Variants in OR5K1 observed in about 807,000 individuals in gnomAD.
The protein encoded by OR5K1 is olfactory receptor 5K1.
OR5K1 carries 7 observed loss-of-function variants against 10.4 expected under a neutral mutation model. That is an observed-to-expected ratio of 0.67 (90% confidence interval 0.38 to 1.26). The LOEUF (loss-of-function observed/expected upper bound fraction) is 1.26. Among genes scored for constraint, OR5K1 ranks in the 50% most tolerant of loss-of-function variants. OR5K1 has a pLI of 0.02. For missense variants in OR5K1, 435 were observed against 366.2 expected (o/e 1.19, Z -1.53); for synonymous variants, 135 against 128.5 (o/e 1.05, Z -0.34).
chr3:98,471,039 A>G lies in OR5K1; in HGVS notation c.*536A>G, dbSNP rs1250354172. 1 of 152,100 alleles carries G rather than the reference A, an allele frequency of 6.6e-6. No homozygotes were observed. Among genetic ancestry groups the G allele is most frequent in the Admixed American group, 6.6e-5 (1 of 15,228 alleles). 9.4% of individuals were successfully genotyped at this position (152,100 alleles called of 1,614,324 possible). Reference sequence around the variant, plus strand: ...GCATTATGGGGACATTACTGTAGTTAGAAAGGAAGTATTAGGAAAACGAAG... The same window carrying G: ...GCATTATGGGGACATTACTGTAGTTGGAAAGGAAGTATTAGGAAAACGAAG... On this transcript the variant is annotated 3_prime_UTR_variant, in exon 2 of 2. Coordinates refer to ENST00000642057, the MANE Select transcript of OR5K1 (RefSeq NM_001004736.4).
At position 98,467,182 on chromosome 3, in the gene OR5K1, T is replaced by G; in HGVS notation, c.-11-2384T>G. 2.0e-5 allele frequency among the ~76,000 whole-genome samples: 2 copies of G among 98,260 alleles called. 1 individual carries two copies. The highest frequency in any genetic ancestry group is 6.1e-4 in the East Asian group (2 of 3,270). The allele number at this position is 98,260 out of a possible 152,430, so 64.5% of individuals were successfully genotyped here. Reference sequence around the variant, plus strand: ...ATCCTTTCCCCATTGCTTGTTTTTCTCAGGTTTGTCAAAGATCAGATAGTT... The same window carrying G: ...ATCCTTTCCCCATTGCTTGTTTTTCGCAGGTTTGTCAAAGATCAGATAGTT... On this transcript the variant is annotated intron_variant, in intron 1 of 1. Transcript: ENST00000642057.
intron 1 of OR5K1, among the ~76,000 whole-genome samples, chr3:98,464,587 G>A (rs1001395077): frequency 1.3e-5 from 2 of 152,128 alleles, no homozygotes; most frequent in African/African-American, 4.8e-5. Flanking sequence ...CTCCCCGATA[G>A]GTAAGAACTC....
rs1360629697 is a variant in OR5K1 at position 98,472,630 on chromosome 3, G to C, written c.*2127G>C. The C allele has an allele frequency of 2.0e-5, 3 of 151,698 alleles. No individual in the cohort carries two copies. The highest frequency in any genetic ancestry group is 4.4e-5 in the Non-Finnish European group (3 of 67,896). 9.4% of individuals were successfully genotyped at this position (151,698 alleles called of 1,614,324 possible). On this transcript the variant is annotated 3_prime_UTR_variant, in exon 2 of 2. Transcript: ENST00000642057. ...AAATGTACTTTTATGGAGTAAAATTGGACTCAAAAATGAGACTCTGTCTTA... is the reference window on the plus strand; with the variant it reads ...AAATGTACTTTTATGGAGTAAAATTCGACTCAAAAATGAGACTCTGTCTTA...
At chr3:98,465,860 T>G (rs1341315819) in intron 1 of OR5K1, among the ~76,000 whole-genome samples, 1 of 151,060 alleles carries the variant, frequency 6.6e-6, no homozygotes, top group African/African-American at 2.4e-5. Flanking sequence ...TTTTTATTCA[T>G]GATTTTTGAC....
rs908765092 is a variant in OR5K1 at position 98,472,339 on chromosome 3, C to T, written c.*1836C>T. The stretch of plus-strand genomic sequence containing the variant: ...TTGAAATGCATCATTTTTGCACTTC[C>T]GATGCTACACAATACCAGTACAATG... On this transcript the variant is annotated 3_prime_UTR_variant, in exon 2 of 2. Transcript: ENST00000642057. The T allele has an allele frequency of 6.6e-6, 1 of 151,784 alleles. No homozygotes were observed. The highest frequency in any genetic ancestry group is 6.6e-5 in the Admixed American group (1 of 15,192). The allele number at this position is 151,784 out of a possible 1,614,324, so 9.4% of individuals were successfully genotyped here.
rs1705446852 is a variant in OR5K1 at position 98,471,473 on chromosome 3, A to G, written c.*970A>G. ...TGGGTAGAGTAATGATCTTAATGTGATATCATTTTAAAAATTACTTTCCAA... is the reference window on the plus strand; with the variant it reads ...TGGGTAGAGTAATGATCTTAATGTGGTATCATTTTAAAAATTACTTTCCAA... On this transcript the variant is annotated 3_prime_UTR_variant, in exon 2 of 2. Coordinates refer to ENST00000642057, the MANE Select transcript of OR5K1 (RefSeq NM_001004736.4). 1.3e-5 allele frequency: 2 copies of G among 151,972 alleles called. No individual in the cohort carries two copies. Among genetic ancestry groups the G allele is most frequent in the African/African-American group, 4.8e-5 (2 of 41,370 alleles). 9.4% of individuals were successfully genotyped at this position (151,972 alleles called of 1,614,324 possible). A position where few individuals can be genotyped will look rare whatever the true frequency, so the allele number is the denominator to read the frequency against.
intron 1 of OR5K1, among the ~76,000 whole-genome samples, chr3:98,468,584 T>C (rs1174708450): frequency 1.3e-5 from 2 of 152,110 alleles, no homozygotes; most frequent in South Asian, 4.1e-4. Context: ...TCTTTGTCCT[T>C]TTTTGACTGG....
At position 98,468,803 on chromosome 3, in the gene OR5K1, AC is replaced by A. The variant is rs1705404676; in HGVS notation, c.-11-762del. Among the ~76,000 whole-genome samples the A allele has an allele frequency of 2.0e-5, 3 of 152,116 alleles. No individual in the cohort carries two copies. The East Asian group carries it at 5.8e-4, about 29-fold the overall frequency. On this transcript the variant is annotated intron_variant, in intron 1 of 1. Transcript: ENST00000642057. ...TTGGCATATAAAAATACTCTTTTAAACAACATTGTTAATCAGTACATATATA... is the reference window on the plus strand; with the variant it reads ...TTGGCATATAAAAATACTCTTTTAAAAACATTGTTAATCAGTACATATATA...
intron 1 of OR5K1, among the ~76,000 whole-genome samples, chr3:98,469,199 G>A (rs1389165201): frequency 2.6e-5 from 4 of 152,040 alleles, no homozygotes; most frequent in African/African-American, 4.8e-5. Flanking sequence ...ACCAGGTATT[G>A]CATGTTCTCA....
At chr3:98,464,275 AAT>A (rs996075630) in intron 1 of OR5K1, among the ~76,000 whole-genome samples, 1 of 152,108 alleles carries the variant, frequency 6.6e-6, no homozygotes, top group Non-Finnish European at 1.5e-5. Flanking sequence ...ACTTTAAAAA[AAT>A]ATATATATAC....
At chr3:98,464,098 T>C (rs1204573334) in intron 1 of OR5K1, among the ~76,000 whole-genome samples, 2 of 151,690 alleles carry the variant, frequency 1.3e-5, no homozygotes, top group African/African-American at 2.4e-5. Flanking sequence ...CTGCTAAAAA[T>C]ACAAAAAATA....
In OR5K1 at chr3:98,469,699, G is replaced by A. The variant is rs1559640565; in HGVS notation, c.123G>A (p.Gly41=). 1 of 1,613,732 alleles carries A rather than the reference G, an allele frequency of 6.2e-7. No individual in the cohort carries two copies. The highest frequency in any genetic ancestry group is 8.5e-7 in the Non-Finnish European group (1 of 1,179,784). Residue 41 remains glycine (G), a synonymous_variant, in exon 2 of 2, where the codon GGG becomes GGA. Coordinates refer to ENST00000642057, the MANE Select transcript of OR5K1 (RefSeq NM_001004736.4). The stretch of plus-strand genomic sequence containing the variant: ...CCATCTATCTGATCACCGTGGTGGG[G>A]AATATTAGTTTGGTGGCACTGATAT... ...FFAIYLITVV[G]NISLVALIFT...
chr3:98,469,389 C>A, intron 1 of OR5K1, 177 bp from the exon 2 acceptor site: 1 of 601,352 alleles, frequency 1.7e-6, no homozygotes, highest in Non-Finnish European at 2.9e-6. Flanking sequence ...TCATCACTAG[C>A]CAAAGAGGTA....
At chr3:98,465,604 T>A (rs77786688) in intron 1 of OR5K1, among the ~76,000 whole-genome samples, 1 of 152,136 alleles carries the variant, frequency 6.6e-6, no homozygotes, top group Non-Finnish European at 1.5e-5. Context: ...CATTTCTTTT[T>A]AAAAACATCT....
intron 1 of OR5K1, among the ~76,000 whole-genome samples, chr3:98,469,281 T>G (rs1362384823): frequency 1.3e-5 from 2 of 152,044 alleles, no homozygotes; most frequent in Non-Finnish European, 2.9e-5. Context: ...GGGGCCTACT[T>G]GACAGTGGAG....
chr3:98,468,112 T>A (rs1425086401), intron 1 of OR5K1, among the ~76,000 whole-genome samples: 1 of 152,076 alleles, frequency 6.6e-6, no homozygotes, highest in African/African-American at 2.4e-5. Flanking sequence ...TGGTTTCTAG[T>A]ATAGGCATTT....
Position 98,469,728 on chromosome 3 carries a change from C to A in OR5K1, c.152C>A (p.Thr51Lys). 6.2e-7 allele frequency: 1 copy of A among 1,613,832 alleles called. No individual in the cohort carries two copies. Among genetic ancestry groups the A allele is most frequent in the Non-Finnish European group, 8.5e-7 (1 of 1,179,808 alleles). Residue 51 changes from threonine to lysine, a missense_variant, in exon 2 of 2, where the codon ACA becomes AAA. Physicochemically the swap from Thr to Lys is moderately conservative, Grantham distance 78. Transcript: ENST00000642057. Reference sequence around the variant, plus strand: ...ATTAGTTTGGTGGCACTGATATTTACACACCGTCGGCTTCACACACCAATG... The same window carrying A: ...ATTAGTTTGGTGGCACTGATATTTAAACACCGTCGGCTTCACACACCAATG... ...GNISLVALIF[T>K]HRRLHTPMYI... is the part of the protein sequence containing the mutation.
Position 98,470,603 on chromosome 3 carries a change from A to C in OR5K1, c.*100A>C, listed in dbSNP as rs373452385. ...ATTACACAGGGGAAATGCATAAATT[A>C]TAAGTAAAATTTTAATATATAAGAA... On this transcript the variant is annotated 3_prime_UTR_variant, in exon 2 of 2. Transcript: ENST00000642057. 2.5e-5 allele frequency: 16 copies of C among 652,726 alleles called. No homozygotes were observed. Among genetic ancestry groups the C allele is most frequent in the African/African-American group, 3.7e-5 (2 of 54,188 alleles). The allele number at this position is 652,726 out of a possible 1,614,324, so 40.4% of individuals were successfully genotyped here. A position where few individuals can be genotyped will look rare whatever the true frequency, so the allele number is the denominator to read the frequency against.
intron 1 of OR5K1, among the ~76,000 whole-genome samples, chr3:98,466,805 T>G (rs1358494020): frequency 7.4e-6 from 1 of 135,558 alleles, no homozygotes; most frequent in African/African-American, 3.2e-5. Flanking sequence ...ATTAGCCGTT[T>G]GTCAGATGTG....
Sources: allele counts gnomAD v4.1 joint callset (sites outside exome capture counted in the v4.1 genomes callset), GRCh38; gene constraint gnomAD v4.1.1; transcripts MANE v1.5; gene names NCBI Gene and HGNC (gene_info 2026-07-23, HGNC 2026-07-21).